Variants in LIG4 observed in about 807,000 individuals in gnomAD.
LIG4 encodes the protein DNA ligase 4.
Under a neutral mutation model 19.0 loss-of-function variants are expected in LIG4, and 13 were observed. The ratio of observed to expected loss-of-function variants is 0.68; its 90% confidence interval spans 0.44 to 1.09. The LOEUF (loss-of-function observed/expected upper bound fraction) is 1.09, where lower values mean the gene tolerates loss of function less well. Ranked by LOEUF, LIG4 falls within the 50% of genes least tolerant of loss-of-function variation. LIG4 has a pLI of 0.00. For missense variants in LIG4, 1,026 were observed against 1,089.7 expected (o/e 0.94, Z 0.82); for synonymous variants, 361 against 358.2 (o/e 1.01, Z -0.09).
intron 2 of LIG4, 28 bp from the exon 3 acceptor site, chr13:108,211,324 A>G (rs1878647568): frequency 8.0e-7 from 1 of 1,244,224 alleles, no homozygotes; most frequent in African/African-American, 1.5e-5. Context: ...GAATAACTTT[A>G]AGTAAAAGAT....
intron 2 of LIG4, among the ~76,000 whole-genome samples, chr13:108,213,178 T>C (rs1189371625): frequency 6.6e-6 from 1 of 152,232 alleles, no homozygotes; most frequent in African/African-American, 2.4e-5. Context: ...TCTCTGAATC[T>C]GGTTTGCATA....
rs1029380670 is a variant in LIG4 at position 108,208,930 on chromosome 13, C to T, written c.2339G>A (p.Gly780Glu). The T allele has an allele frequency of 2.5e-6, 4 of 1,613,990 alleles. No homozygotes were observed. In the African/African-American group the frequency reaches 5.3e-5, roughly 22 times the overall value. The change falls in exon 3 of 3, where the codon GGA (glycine) becomes GAA (glutamate). Residue 780 changes from glycine (G) to glutamate (E), a missense_variant. Physicochemically the swap from Gly to Glu is moderately conservative, Grantham distance 98. Coordinates refer to ENST00000442234, the MANE Select transcript of LIG4 (RefSeq NM_206937.2). ...DLNQLKEVFS[G>E]IKNSNEQTPE... ...AGTCTGCTCGTTAGAATTTTTAATTCCTGAGAATACTTCCTTCAGTTGGTT... is the reference window on the plus strand; with the variant it reads ...AGTCTGCTCGTTAGAATTTTTAATTTCTGAGAATACTTCCTTCAGTTGGTT...
In LIG4 at chr13:108,211,175, G is replaced by C; in HGVS notation, c.94C>G (p.Arg32Gly). ...TLERIQKSKG[R>G]AEKIRHFREF... ...CTGAAGTGTCTGATTTTTTCTGCAC[G>C]TCCTTTACTTTTCTGTATTCGTTCT... Residue 32 changes from arginine (R) to glycine (G), a missense_variant, in exon 3 of 3, where the codon CGT becomes GGT. Arg to Gly is a moderately radical substitution (Grantham distance 125). This residue lies in a region of LIG4 where 493 missense variants were observed against 544.5 expected (regional missense o/e 0.91). Coordinates refer to ENST00000442234, the MANE Select transcript of LIG4 (RefSeq NM_206937.2). 1 of 1,613,332 alleles carries C rather than the reference G, an allele frequency of 6.2e-7. No homozygotes were observed. Among genetic ancestry groups the C allele is most frequent in the Non-Finnish European group, 8.5e-7 (1 of 1,179,820 alleles).
At chr13:108,214,665 C>G (rs1879035221) in intron 1 of LIG4, 55 bp from the exon 2 acceptor site, 1 of 152,148 alleles carries the variant, frequency 6.6e-6, no homozygotes, top group African/African-American at 2.4e-5. Flanking sequence ...GCAGGCAATA[C>G]AGTTCCAGGG....
chr13:108,208,082 T>C lies in LIG4; in HGVS notation c.*451A>G, dbSNP rs1363335905. ...GAGTAAAAAGACATATTTTTACAAG[T>C]CCAGCTGTAACAATTCTACCCTATT... On this transcript the variant is annotated 3_prime_UTR_variant, in exon 3 of 3. Transcript: ENST00000442234. The C allele has an allele frequency of 6.5e-6, 1 of 153,772 alleles. No individual in the cohort carries two copies. 9.5% of individuals were successfully genotyped at this position (153,772 alleles called of 1,614,324 possible).
rs1218995387 is a variant in LIG4, at chr13:108,208,673, C to T, written c.2596G>A (p.Gly866Arg). The T allele has an allele frequency of 7.4e-6, 12 of 1,614,080 alleles. No individual in the cohort carries two copies. The highest frequency in any genetic ancestry group is 3.3e-5 in the South Asian group (3 of 91,074). ...TCTGCAACACGACTATGATCTTCCC[C>T]AATTATTACATGAGACACTCCCTCA... ...LAEGVSHVII[G>R]EDHSRVADFK... The change falls in exon 3 of 3, where the codon GGG becomes AGG. Residue 866 changes from glycine (G) to arginine (R), a missense_variant. By Grantham distance (125) the Gly-to-Arg change is moderately radical. Coordinates refer to ENST00000442234, the MANE Select transcript of LIG4 (RefSeq NM_206937.2).
Position 108,210,333 on chromosome 13 carries a change from G to C in LIG4, c.936C>G (p.Thr312=). 1 of 1,613,822 alleles carries C rather than the reference G, an allele frequency of 6.2e-7. No homozygotes were observed. Among genetic ancestry groups the C allele is most frequent in the Non-Finnish European group, 8.5e-7 (1 of 1,179,848 alleles). Residue 312 remains threonine (T), a synonymous_variant, in exon 3 of 3, where the codon ACC becomes ACG. Transcript: ENST00000442234. ...FGASPTEGSL[T]PFIHNAFKAD... is the part of the protein sequence containing the mutation. ...CTTTGAATGCATTATGAATGAATGG[G>C]GTAAGAGAACCTTCAGTAGGAGAAG...
Position 108,210,988 on chromosome 13 carries a change from A to G in LIG4, c.281T>C (p.Ile94Thr). The G allele has an allele frequency of 1.9e-6, 3 of 1,610,476 alleles. No individual in the cohort carries two copies. The highest frequency in any genetic ancestry group is 2.5e-6 in the Non-Finnish European group (3 of 1,179,148). ...ATCTCTAGGTAAATTAAGCAACTCA[A>G]TATAAAGCTTAGCAAGCATAGTTTC... is the stretch of plus-strand genomic sequence containing the variant. Reference protein sequence around the residue: ...IKETMLAKLYIELLNLPRDGK... With the variant: ...IKETMLAKLYTELLNLPRDGK... Residue 94 changes from isoleucine (I) to threonine (T), a missense_variant, in exon 3 of 3, where the codon ATT (isoleucine) becomes ACT (threonine). Ile to Thr is a moderately conservative substitution (Grantham distance 89). Coordinates refer to ENST00000442234, the MANE Select transcript of LIG4 (RefSeq NM_206937.2).
Position 108,214,611 on chromosome 13 carries a change from C to T in LIG4, c.-101-1G>A, listed in dbSNP as rs1246713763. The T allele has an allele frequency of 6.6e-6, 1 of 152,122 alleles. No homozygotes were observed. Among genetic ancestry groups the T allele is most frequent in the East Asian group, 1.9e-4 (1 of 5,184 alleles). The allele number at this position is 152,122 out of a possible 1,614,324, so 9.4% of individuals were successfully genotyped here. On this transcript the variant is annotated splice_acceptor_variant, in intron 1 of 2. Transcript: ENST00000442234. LOFTEE classifies it low-confidence loss of function (5UTR_SPLICE). ...TGTAAAATGAGATCTTGATGGTTTC[C>T]TGCGGGGTTGCCATGAGAAAGAATC...
Position 108,208,299 on chromosome 13 carries a change from C to T in LIG4, c.*234G>A. 2 of 424,848 alleles carry T rather than the reference C, an allele frequency of 4.7e-6. No homozygotes were observed. The highest frequency in any genetic ancestry group is 8.4e-6 in the Non-Finnish European group (2 of 237,042). 26.3% of individuals were successfully genotyped at this position (424,848 alleles called of 1,614,324 possible). On this transcript the variant is annotated 3_prime_UTR_variant, in exon 3 of 3. Transcript: ENST00000442234. ...CTCTTCTTTAGACTGTTTATTTCAC[C>T]TTGATCATAAAAAATCATTGAATAC...
chr13:108,207,952 T>C lies in LIG4; in HGVS notation c.*581A>G, dbSNP rs1878091921. ...TCATTAAGTCTCATACAACTTCCTC[T>C]AATTTAGCTAAAACCATCGACAGGG... On this transcript the variant is annotated 3_prime_UTR_variant, in exon 3 of 3. Transcript: ENST00000442234. 1 of 151,806 alleles carries C rather than the reference T, an allele frequency of 6.6e-6. No individual in the cohort carries two copies. The highest frequency in any genetic ancestry group is 1.5e-5 in the Non-Finnish European group (1 of 68,038). 9.4% of individuals were successfully genotyped at this position (151,806 alleles called of 1,614,324 possible).
chr13:108,217,342 C>T (rs908116572), upstream of LIG4, among the ~76,000 whole-genome samples: 6 of 152,234 alleles, frequency 3.9e-5, no homozygotes, highest in African/African-American at 1.2e-4. Context: ...ATGGTGAAAT[C>T]CCGTCTCTAC....
chr13:108,212,456 T>A (rs2138986271), intron 2 of LIG4, among the ~76,000 whole-genome samples: 2 of 152,250 alleles, frequency 1.3e-5, no homozygotes, highest in Admixed American at 6.5e-5. Flanking sequence ...TTAGAGTAAT[T>A]TTAATATGGT....
chr13:108,209,883 C>T lies in LIG4; in HGVS notation c.1386G>A (p.Leu462=). 6.2e-7 allele frequency: 1 copy of T among 1,614,162 alleles called. No homozygotes were observed. The highest frequency in any genetic ancestry group is 1.3e-5 in the African/African-American group (1 of 75,042). The change falls in exon 3 of 3, where the codon TTG becomes TTA. Residue 462 remains leucine (L), a synonymous_variant. Coordinates refer to ENST00000442234, the MANE Select transcript of LIG4 (RefSeq NM_206937.2). ...AATATCCTCCAACAATTAAAATGTCCAATTCATCCATTAGTCCACTGACAT... is the reference window on the plus strand; with the variant it reads ...AATATCCTCCAACAATTAAAATGTCTAATTCATCCATTAGTCCACTGACAT... ...PEYVSGLMDE[L]DILIVGGYWG... is the part of the protein sequence containing the mutation.
At chr13:108,214,102 G>A (rs1471546077) in intron 2 of LIG4, among the ~76,000 whole-genome samples, 1 of 152,080 alleles carries the variant, frequency 6.6e-6, no homozygotes, top group Non-Finnish European at 1.5e-5. Context: ...AAAATAAACC[G>A]GCAGGTTTTA....
At chr13:108,212,496 C>A (rs933296321) in intron 2 of LIG4, among the ~76,000 whole-genome samples, 7 of 151,710 alleles carry the variant, frequency 4.6e-5, no homozygotes, top group Admixed American at 4.6e-4. Context: ...ATAACTTTTC[C>A]AAAAAAAGAT....
upstream of LIG4, among the ~76,000 whole-genome samples, chr13:108,215,809 T>G (rs1040245734): frequency 1.3e-5 from 2 of 152,130 alleles, no homozygotes; most frequent in African/African-American, 2.4e-5. Context: ...CACTTTGTGC[T>G]CTGGCTAGTG....
At chr13:108,213,911 C>T (rs1878930923) in intron 2 of LIG4, among the ~76,000 whole-genome samples, 2 of 152,122 alleles carry the variant, frequency 1.3e-5, no homozygotes, top group Non-Finnish European at 2.9e-5. Context: ...ATAATGCTTG[C>T]TGATCCAAGC....
upstream of LIG4, among the ~76,000 whole-genome samples, chr13:108,216,498 T>C (rs1879299483): frequency 6.6e-6 from 1 of 152,214 alleles, no homozygotes; most frequent in Non-Finnish European, 1.5e-5. Context: ...TCAGTGCTAG[T>C]TTGTAGCGGA....
Sources: allele counts gnomAD v4.1 joint callset (sites outside exome capture counted in the v4.1 genomes callset), GRCh38; gene constraint gnomAD v4.1.1; regional missense constraint gnomAD v4.1.1; transcripts MANE v1.5; gene names NCBI Gene and HGNC (gene_info 2026-07-23, HGNC 2026-07-21).